Variants in PIK3C2G observed in about 807,000 individuals in gnomAD.
PIK3C2G encodes the protein phosphatidylinositol 3-kinase C2 domain-containing subunit gamma.
Under a neutral mutation model 181.1 loss-of-function variants are expected in PIK3C2G, and 168 were observed. That is an observed-to-expected ratio of 0.93 (90% CI 0.82 to 1.05). The LOEUF (loss-of-function observed/expected upper bound fraction) is 1.05, where lower values mean the gene tolerates loss of function less well. PIK3C2G is among the 50% of genes least tolerant of loss of function. PIK3C2G has a pLI of 0.00. For synonymous variants in PIK3C2G, 573 were observed against 592.2 expected (o/e 0.97, Z 0.47); for missense variants, 1,869 against 1,732.8 (o/e 1.08, Z -1.40).
intron 5 of PIK3C2G, among the ~76,000 whole-genome samples, chr12:18,296,843 T>C (rs552030917): frequency 3.5e-4 from 53 of 152,194 alleles, no homozygotes; most frequent in African/African-American, 1.2e-3. Context: ...ACTATCAATT[T>C]TGTCATACGT....
At chr12:18,325,146 C>T (rs577297603) in intron 8 of PIK3C2G, 48 bp downstream of exon 8, 17 of 1,027,798 alleles carry the variant, frequency 1.7e-5, no homozygotes, top group African/African-American at 3.2e-5. Flanking sequence ...GCGTTTTTAA[C>T]GCATCTACTA....
chr12:18,460,310 A>C (rs935520019), intron 18 of PIK3C2G, among the ~76,000 whole-genome samples: 23 of 152,036 alleles, frequency 1.5e-4, no homozygotes, highest in East Asian at 1.9e-4. Context: ...GCGGTGGCTC[A>C]CTCCTGTAAT....
chr12:18,382,742 T>C (rs559521525), intron 14 of PIK3C2G, among the ~76,000 whole-genome samples: 6 of 152,250 alleles, frequency 3.9e-5, no homozygotes, highest in African/African-American at 1.4e-4. Context: ...TCTCCAGATA[T>C]TGTCAAATGT....
intron 24 of PIK3C2G, among the ~76,000 whole-genome samples, chr12:18,536,036 C>G (rs112829129): frequency 0.013 from 2,023 of 152,026 alleles, 43 homozygotes; most frequent in African/African-American, 0.046. Context: ...GTGCAGCACA[C>G]CAACATGGCA....
At chr12:18,326,598 CCTAATT>C (rs1951355964) in intron 8 of PIK3C2G, among the ~76,000 whole-genome samples, 1 of 152,016 alleles carries the variant, frequency 6.6e-6, no homozygotes, top group African/African-American at 2.4e-5. Context: ...ATCCTCTCAC[CCTAATT>C]CTATTTTTTC....
At chr12:18,648,556 C>A, downstream of PIK3C2G, 1 of 167,736 alleles carries the variant, frequency 6.0e-6, no homozygotes. Flanking sequence ...AAACATAAAT[C>A]CTGAAATTCT....
intron 29 of PIK3C2G, among the ~76,000 whole-genome samples, chr12:18,575,726 C>T (rs922039416): frequency 1.3e-5 from 2 of 152,134 alleles, no homozygotes; most frequent in African/African-American, 2.4e-5. Flanking sequence ...CGGGAAAAGT[C>T]GTGCTAGGCA....
chr12:18,725,291 G>C, the PIK3C2G span, among the ~76,000 whole-genome samples: 1 of 152,104 alleles, frequency 6.6e-6, no homozygotes, highest in East Asian at 1.9e-4. Context: ...GGGAAGCGGG[G>C]AGAAGAAAAG....
intron 16 of PIK3C2G, among the ~76,000 whole-genome samples, chr12:18,407,251 A>T (rs1306064460): frequency 6.6e-6 from 1 of 152,152 alleles, no homozygotes; most frequent in African/African-American, 2.4e-5. Context: ...AATTTCTATT[A>T]AACATAAATG....
intron 1 of PIK3C2G, among the ~76,000 whole-genome samples, chr12:18,268,623 T>G (rs1591785994): frequency 1.3e-5 from 2 of 152,172 alleles, no homozygotes; most frequent in East Asian, 3.9e-4. Context: ...GTGCCTCCTA[T>G]GCAGTGAATC....
chr12:18,497,774 G>C (rs757375456), intron 22 of PIK3C2G, 26 bp downstream of exon 22: 1 of 1,532,022 alleles, frequency 6.5e-7, no homozygotes, highest in Admixed American at 2.0e-5. Flanking sequence ...AAAGTGCGCT[G>C]GCTCACATTA....
chr12:18,413,464 C>A (rs906059746), intron 16 of PIK3C2G, among the ~76,000 whole-genome samples: 15 of 152,096 alleles, frequency 9.9e-5, no homozygotes, highest in African/African-American at 3.6e-4. Flanking sequence ...ATGAGAATTT[C>A]TTTTGCTTTA....
At chr12:18,396,527 A>T (rs1183657754) in intron 15 of PIK3C2G, among the ~76,000 whole-genome samples, 1 of 151,702 alleles carries the variant, frequency 6.6e-6, no homozygotes, top group African/African-American at 2.4e-5. Context: ...TGTGAAAAAA[A>T]AATTAAGGTA....
intron 1 of PIK3C2G, among the ~76,000 whole-genome samples, chr12:18,281,260 A>G (rs1949202878): frequency 7.6e-6 from 1 of 131,944 alleles, no homozygotes; most frequent in Admixed American, 8.0e-5. Context: ...TGGAAAATGC[A>G]TAATAGGCAA....
At chr12:18,290,762 T>A in intron 3 of PIK3C2G, 93 bp from the exon 4 acceptor site, 2 of 796,322 alleles carry the variant, frequency 2.5e-6, no homozygotes, top group Non-Finnish European at 4.1e-6. Flanking sequence ...AAACACTACA[T>A]GAAGTTTCTT....
At chr12:18,590,613 A>T (rs1257493697) in intron 29 of PIK3C2G, among the ~76,000 whole-genome samples, 3 of 151,948 alleles carry the variant, frequency 2.0e-5, no homozygotes, top group African/African-American at 7.2e-5. Flanking sequence ...TGTAGCACTG[A>T]TAATTCTATA....
chr12:18,560,077 G>A (rs956959726), intron 26 of PIK3C2G, among the ~76,000 whole-genome samples: 3 of 150,888 alleles, frequency 2.0e-5, no homozygotes, highest in Non-Finnish European at 3.0e-5. Flanking sequence ...GTGATCCACC[G>A]GCCTCTGCCT....
chr12:18,362,706 T>G, intron 11 of PIK3C2G, 58 bp from the exon 12 acceptor site: 1 of 1,290,580 alleles, frequency 7.7e-7, no homozygotes, highest in Non-Finnish European at 1.0e-6. Flanking sequence ...TTGACCCATA[T>G]AGAAAGCTAG....
At chr12:18,683,629 A>T in the PIK3C2G span, 1 of 1,388,242 alleles carries the variant, frequency 7.2e-7, no homozygotes, top group Non-Finnish European at 9.5e-7. Flanking sequence ...CACATCTCAG[A>T]TGCTGTTAGA....
Sources: gnomAD v4.1 joint callset for allele counts (sites outside exome capture counted in the v4.1 genomes callset) on GRCh38, gnomAD v4.1.1 for gene constraint, MANE v1.5 for transcripts, NCBI Gene and HGNC (gene_info 2026-07-23, HGNC 2026-07-21) for gene names.